Variants in PPFIA2 observed in about 807,000 individuals in gnomAD.
PPFIA2 encodes the protein liprin-alpha-2.
In PPFIA2, 46 loss-of-function variants were observed where a neutral mutation model predicts 175.5. The observed-to-expected ratio is 0.26, with a 90% CI of 0.21 to 0.34. PPFIA2 has a LOEUF of 0.34. Ranked by LOEUF, PPFIA2 falls within the 10% of genes least tolerant of loss-of-function variation. The pLI is 1.00. For synonymous variants in PPFIA2, 568 were observed against 511.4 expected (o/e 1.11, Z -1.49); for missense variants, 1,179 against 1,506.1 (o/e 0.78, Z 3.60).
At chr12:81,460,314 A>T (rs572532668) in intron 4 of PPFIA2, among the ~76,000 whole-genome samples, 1 of 152,252 alleles carries the variant, frequency 6.6e-6, no homozygotes, top group East Asian at 1.9e-4. Context: ...TGCTGCCATC[A>T]TGTAAGAAGT....
intron 4 of PPFIA2, among the ~76,000 whole-genome samples, chr12:81,562,683 T>C (rs1343695118): frequency 6.7e-6 from 1 of 149,924 alleles, no homozygotes; most frequent in African/African-American, 2.5e-5. Flanking sequence ...CCGTCTCTAC[T>C]AAAAATACAA....
At chr12:81,363,702 C>G (rs542565623) in intron 14 of PPFIA2, among the ~76,000 whole-genome samples, 7 of 151,596 alleles carry the variant, frequency 4.6e-5, no homozygotes, top group Non-Finnish European at 5.9e-5. Flanking sequence ...ATTCTCACTA[C>G]GTCACTACCA....
chr12:81,648,009 A>G (rs967858621), intron 4 of PPFIA2, among the ~76,000 whole-genome samples: 5 of 149,372 alleles, frequency 3.3e-5, no homozygotes, highest in African/African-American at 1.2e-4. Flanking sequence ...AAGGAAAAAA[A>G]AAACTCAATC....
chr12:81,608,818 A>T (rs1356834198), intron 4 of PPFIA2, among the ~76,000 whole-genome samples: 2 of 151,602 alleles, frequency 1.3e-5, no homozygotes, highest in East Asian at 3.9e-4. Flanking sequence ...TTATTTCTTT[A>T]TGTCTGCTAG....
chr12:81,497,428 A>T (rs1050172291), intron 4 of PPFIA2, among the ~76,000 whole-genome samples: 2 of 150,788 alleles, frequency 1.3e-5, no homozygotes, highest in South Asian at 4.3e-4. Flanking sequence ...CACTTTTGGT[A>T]TATGAGTTAA....
chr12:81,444,228 T>C (rs896219087), intron 6 of PPFIA2, among the ~76,000 whole-genome samples: 4 of 152,164 alleles, frequency 2.6e-5, no homozygotes, highest in Non-Finnish European at 5.9e-5. Flanking sequence ...TGGCTACATA[T>C]TGTGATGGAA....
chr12:81,296,974 A>G (rs1162684900), intron 23 of PPFIA2, among the ~76,000 whole-genome samples: 1 of 152,170 alleles, frequency 6.6e-6, no homozygotes, highest in African/African-American at 2.4e-5. Context: ...AGTTTAGGCA[A>G]TAAAATGACT....
At chr12:81,644,009 C>T (rs980392186) in intron 4 of PPFIA2, among the ~76,000 whole-genome samples, 16 of 151,790 alleles carry the variant, frequency 1.1e-4, no homozygotes, top group Non-Finnish European at 2.2e-4. Context: ...TTAAAAGAAC[C>T]AGCACCTTGA....
At chr12:81,582,305 T>C (rs2074536512) in intron 4 of PPFIA2, among the ~76,000 whole-genome samples, 1 of 151,896 alleles carries the variant, frequency 6.6e-6, no homozygotes, top group African/African-American at 2.4e-5. Flanking sequence ...TCAGACTACA[T>C]AATGCCTGTG....
intron 3 of PPFIA2, among the ~76,000 whole-genome samples, chr12:81,733,062 C>G (rs1399579284): frequency 6.6e-6 from 1 of 151,392 alleles, no homozygotes; most frequent in Non-Finnish European, 1.5e-5. Context: ...AAATTTATTA[C>G]TGAAATATTT....
At chr12:81,530,314 A>AT (rs2064333651) in intron 4 of PPFIA2, among the ~76,000 whole-genome samples, 1 of 151,986 alleles carries the variant, frequency 6.6e-6, no homozygotes, top group Non-Finnish European at 1.5e-5. Context: ...AATGAACACA[A>AT]TTTTAGTATC....
chr12:81,486,526 A>T (rs2058836158), intron 4 of PPFIA2, among the ~76,000 whole-genome samples: 1 of 151,950 alleles, frequency 6.6e-6, no homozygotes, highest in South Asian at 2.1e-4. Flanking sequence ...AATTCTATTT[A>T]TGATAAACAT....
intron 4 of PPFIA2, among the ~76,000 whole-genome samples, chr12:81,546,975 T>C (rs1380360776): frequency 6.6e-6 from 1 of 152,016 alleles, no homozygotes; most frequent in African/African-American, 2.4e-5. Context: ...CACTTCTCAG[T>C]TCCTAATCAT....
chr12:81,423,437 T>C (rs1165243328), intron 7 of PPFIA2, among the ~76,000 whole-genome samples: 1 of 152,160 alleles, frequency 6.6e-6, no homozygotes, highest in Non-Finnish European at 1.5e-5. Context: ...AATGCAAGGA[T>C]AGTTTAACAT....
At chr12:81,474,810 A>G (rs893687557) in intron 4 of PPFIA2, among the ~76,000 whole-genome samples, 4 of 152,188 alleles carry the variant, frequency 2.6e-5, no homozygotes, top group African/African-American at 9.7e-5. Flanking sequence ...TCTTCTAATG[A>G]ACTATAAGTT....
intron 4 of PPFIA2, among the ~76,000 whole-genome samples, chr12:81,569,436 C>T (rs999010618): frequency 2.6e-5 from 4 of 152,184 alleles, no homozygotes; most frequent in Non-Finnish European, 5.9e-5. Context: ...ATCTAAACTC[C>T]GACTACTCCA....
chr12:81,756,288 G>A (rs981839949), intron 2 of PPFIA2, among the ~76,000 whole-genome samples: 14 of 152,004 alleles, frequency 9.2e-5, no homozygotes, highest in Admixed American at 2.0e-4. Context: ...TTTAAATTAC[G>A]TCCTTCTTGA....
intron 4 of PPFIA2, among the ~76,000 whole-genome samples, chr12:81,605,888 G>A (rs2060258689): frequency 6.6e-6 from 1 of 151,766 alleles, no homozygotes; most frequent in South Asian, 2.1e-4. Context: ...GGGTACATGT[G>A]CAGATTTGTT....
At chr12:81,516,353 C>A (rs957695973) in intron 4 of PPFIA2, among the ~76,000 whole-genome samples, 5 of 152,028 alleles carry the variant, frequency 3.3e-5, no homozygotes, top group African/African-American at 9.7e-5. Context: ...TTTCAGTTAC[C>A]AGACATTTCC....
Sources: allele counts gnomAD v4.1 joint callset (sites outside exome capture counted in the v4.1 genomes callset), GRCh38; gene constraint gnomAD v4.1.1; transcripts MANE v1.5; gene names NCBI Gene and HGNC (gene_info 2026-07-23, HGNC 2026-07-21).